The following KCTD19 variants were observed in gnomAD, a reference collection of about 807,000 sequenced individuals.
The protein encoded by KCTD19 is potassium channel tetramerization domain containing 19.
Under a neutral mutation model 103.5 loss-of-function variants are expected in KCTD19, and 67 were observed. The observed-to-expected ratio is 0.65, with a 90% CI of 0.53 to 0.79. The LOEUF is 0.79. Among genes scored for constraint, KCTD19 ranks in the 30% least tolerant of loss-of-function variants. The pLI is 0.00. For missense variants in KCTD19, 980 were observed against 1,136.1 expected (o/e 0.86, Z 1.98); for synonymous variants, 439 against 452.2 (o/e 0.97, Z 0.37).
At chr16:67,313,191 C>A (rs1464778721) in intron 2 of KCTD19, among the ~76,000 whole-genome samples, 1 of 151,860 alleles carries the variant, frequency 6.6e-6, no homozygotes, top group African/African-American at 2.4e-5. Context: ...CTCACTGCAA[C>A]CACCGTCTCC....
At position 67,320,168 on chromosome 16, in the gene KCTD19, A is replaced by C. The variant is rs190500271; in HGVS notation, c.300+421T>G. Among the ~76,000 whole-genome samples the C allele has an allele frequency of 5.1e-4, 77 of 152,212 alleles. No homozygotes were observed. The highest frequency in any genetic ancestry group is 3.4e-3 in the Middle Eastern group (1 of 294). Reference sequence around the variant, plus strand: ...TCTTAGGGAGGCTGAGGGAGCACTTAGGGAGGCCAATTAGAGAGGACGACT... The same window carrying C: ...TCTTAGGGAGGCTGAGGGAGCACTTCGGGAGGCCAATTAGAGAGGACGACT... On this transcript the variant is annotated intron_variant, in intron 2 of 15. Transcript: ENST00000304372. This position sits in a 1 kb window ranked among gnomAD's most constrained non-coding sequence, Gnocchi z 4.0.
At chr16:67,324,766 T>A (rs2037111578) in intron 1 of KCTD19, among the ~76,000 whole-genome samples, 1 of 152,162 alleles carries the variant, frequency 6.6e-6, no homozygotes, top group African/African-American at 2.4e-5. Context: ...CACAGCAATA[T>A]TCAGACATAA....
Position 67,320,575 on chromosome 16 carries a change from C to CAA in KCTD19, c.300+12_300+13dup, listed in dbSNP as rs745915616. 1.2e-6 allele frequency: 2 copies of CAA among 1,609,496 alleles called. No individual in the cohort carries two copies. The highest frequency in any genetic ancestry group is 1.7e-6 in the Non-Finnish European group (2 of 1,176,832). ...TTACTGATCCACCACTCCCAGAAAA[C>CAA]AAGAGCATCTTACCTGCAGCAAAGG... On this transcript the variant is annotated intron_variant, in intron 2 of 15. Coordinates refer to ENST00000304372, the MANE Select transcript of KCTD19 (RefSeq NM_001100915.3). The surrounding 1 kb of genome is among the most constrained non-coding windows in gnomAD (Gnocchi z 4.0).
chr16:67,322,997 C>A (rs1414416582), intron 1 of KCTD19, among the ~76,000 whole-genome samples: 1 of 152,138 alleles, frequency 6.6e-6, no homozygotes, highest in Non-Finnish European at 1.5e-5. Context: ...AATCAAAACC[C>A]ACAACAGAAT....
At position 67,320,858 on chromosome 16, in the gene KCTD19, C is replaced by T. The variant is rs755502818; in HGVS notation, c.31G>A (p.Ala11Thr). ...ACGTTGAAATGAAACAAGTCCTCTG[C>T]TGATTCATGAGCCATGCCAGACTCC... MEESGMAHES[A>T]EDLFHFNVGG... Residue 11 changes from alanine to threonine, a missense_variant, in exon 2 of 16, where the codon GCA becomes ACA. Ala to Thr is a moderately conservative substitution (Grantham distance 58). Coordinates refer to ENST00000304372, the MANE Select transcript of KCTD19 (RefSeq NM_001100915.3). The surrounding 1 kb of genome is among the most constrained non-coding windows in gnomAD (Gnocchi z 4.0). 1.9e-6 allele frequency: 3 copies of T among 1,613,996 alleles called. No homozygotes were observed. The South Asian group carries it at 3.3e-5, about 18-fold the overall frequency.
intron 7 of KCTD19, among the ~76,000 whole-genome samples, chr16:67,297,197 C>T (rs1035039853): frequency 1.4e-4 from 21 of 152,296 alleles, no homozygotes; most frequent in African/African-American, 4.3e-4. Context: ...GGAGGCTCCT[C>T]CCTGCATGGC....
Position 67,320,072 on chromosome 16 carries a change from C to T in KCTD19, c.300+517G>A, listed in dbSNP as rs1345793142. 2.0e-5 allele frequency among the ~76,000 whole-genome samples: 3 copies of T among 152,174 alleles called. No homozygotes were observed. Among genetic ancestry groups the T allele is most frequent in the East Asian group, 3.9e-4 (2 of 5,194 alleles). ...ATGGTGGCTGCTAGTCTAACTAAAGCACAGTTGGGATGAAATCATTTATTA... is the reference window on the plus strand; with the variant it reads ...ATGGTGGCTGCTAGTCTAACTAAAGTACAGTTGGGATGAAATCATTTATTA... On this transcript the variant is annotated intron_variant, in intron 2 of 15. Coordinates refer to ENST00000304372, the MANE Select transcript of KCTD19 (RefSeq NM_001100915.3). The surrounding 1 kb of genome is among the most constrained non-coding windows in gnomAD (Gnocchi z 4.0).
intron 6 of KCTD19, among the ~76,000 whole-genome samples, chr16:67,298,136 G>C (rs2036789492): frequency 6.6e-6 from 1 of 151,944 alleles, no homozygotes; most frequent in South Asian, 2.1e-4. Context: ...TGGGACTACA[G>C]GCACCCGCCA....
At position 67,303,967 on chromosome 16, in the gene KCTD19, A is replaced by G. The variant is rs1367644573; in HGVS notation, c.451+454T>C. On this transcript the variant is annotated intron_variant, in intron 3 of 15. Coordinates refer to ENST00000304372, the MANE Select transcript of KCTD19 (RefSeq NM_001100915.3). This position sits in a 1 kb window ranked among gnomAD's most constrained non-coding sequence, Gnocchi z 4.3. ...GATTCTAATTGATCAAACCAAACAC[A>G]GTGATCCACAGACAAAATAGATGCT... 6.6e-6 allele frequency among the ~76,000 whole-genome samples: 1 copy of G among 152,262 alleles called. No individual in the cohort carries two copies. Among genetic ancestry groups the G allele is most frequent in the Non-Finnish European group, 1.5e-5 (1 of 68,042 alleles).
In KCTD19 at chr16:67,289,534, C is replaced by G. The variant is rs764346258; in HGVS notation, c.*35G>C. On this transcript the variant is annotated 3_prime_UTR_variant, in exon 16 of 16. Coordinates refer to ENST00000304372, the MANE Select transcript of KCTD19 (RefSeq NM_001100915.3). ...TATCTCCAATTAAAATGAGACTTGGCGGGTGGGGCATGAGGGGCTGCATCT... is the reference window on the plus strand; with the variant it reads ...TATCTCCAATTAAAATGAGACTTGGGGGGTGGGGCATGAGGGGCTGCATCT... 11 of 1,273,116 alleles carry G rather than the reference C, an allele frequency of 8.6e-6. No homozygotes were observed. Among genetic ancestry groups the G allele is most frequent in the Non-Finnish European group, 1.1e-5 (10 of 870,934 alleles). 78.9% of individuals were successfully genotyped at this position (1,273,116 alleles called of 1,614,324 possible).
At chr16:67,313,941 T>G (rs2036975430) in intron 2 of KCTD19, among the ~76,000 whole-genome samples, 1 of 151,932 alleles carries the variant, frequency 6.6e-6, no homozygotes, top group South Asian at 2.1e-4. Flanking sequence ...ACTACAGCCT[T>G]GAACTCCTGG....
intron 4 of KCTD19, chr16:67,302,604 A>G (rs2036845960): frequency 6.4e-6 from 1 of 157,266 alleles, no homozygotes; most frequent in Non-Finnish European, 1.4e-5. Context: ...CTCTCTGTCA[A>G]AGGTGGAAAA....
intron 2 of KCTD19, among the ~76,000 whole-genome samples, chr16:67,312,990 G>A (rs546930859): frequency 2.0e-5 from 3 of 152,238 alleles, no homozygotes; most frequent in Non-Finnish European, 2.9e-5. Context: ...CTAGCCACAT[G>A]GTCTCTGTCA....
intron 2 of KCTD19, among the ~76,000 whole-genome samples, chr16:67,310,201 T>C (rs923135355): frequency 7.9e-5 from 12 of 152,224 alleles, no homozygotes; most frequent in African/African-American, 2.9e-4. Flanking sequence ...TTATTTTTGA[T>C]CTGCCAGTTT....
At chr16:67,321,132 A>G (rs768157661) in intron 1 of KCTD19, among the ~76,000 whole-genome samples, 5 of 152,182 alleles carry the variant, frequency 3.3e-5, no homozygotes, top group Non-Finnish European at 7.3e-5. Context: ...TTGAGGTTGC[A>G]GTGAGCTATG....
chr16:67,321,687 C>T (rs1034688700), intron 1 of KCTD19: 3 of 152,124 alleles, frequency 2.0e-5, no homozygotes, highest in Non-Finnish European at 4.4e-5. Flanking sequence ...CATGCAGCGC[C>T]TCATTAGGAT....
Position 67,302,875 on chromosome 16 carries a change from C to T in KCTD19, c.643+271G>A, listed in dbSNP as rs181849399. ...GAGCTCCCTGCCCTTCACACCAACT[C>T]CTGTGGTCCCTAGCACTTTCCAGTG... is the stretch of plus-strand genomic sequence containing the variant. On this transcript the variant is annotated intron_variant, in intron 4 of 15. Coordinates refer to ENST00000304372, the MANE Select transcript of KCTD19 (RefSeq NM_001100915.3). 2,406 of 454,166 alleles carry T rather than the reference C, an allele frequency of 5.3e-3. 6 individuals carry two copies. The highest frequency in any genetic ancestry group is 6.8e-3 in the Non-Finnish European group (1,744 of 255,724). The allele number at this position is 454,166 out of a possible 1,614,324, so 28.1% of individuals were successfully genotyped here.
At chr16:67,321,764 G>C (rs534889716) in intron 1 of KCTD19, 2 of 152,176 alleles carry the variant, frequency 1.3e-5, no homozygotes, top group Non-Finnish European at 2.9e-5. Flanking sequence ...AACTTGTTTG[G>C]AGGTTCTAGC....
chr16:67,307,078 G>T (rs1453249113), intron 2 of KCTD19, among the ~76,000 whole-genome samples: 3 of 151,942 alleles, frequency 2.0e-5, no homozygotes, highest in Non-Finnish European at 1.5e-5. Flanking sequence ...CATATTTTTG[G>T]GGTACATGTG....
Sources: gnomAD v4.1 joint callset for allele counts (sites outside exome capture counted in the v4.1 genomes callset) on GRCh38, gnomAD v4.1.1 for gene constraint, Gnocchi (gnomAD v3.1) non-coding constraint, MANE v1.5 for transcripts, NCBI Gene and HGNC (gene_info 2026-07-23, HGNC 2026-07-21) for gene names.